HIVEP3: variants seen among roughly 807,000 people sequenced by gnomAD.
HIVEP3 encodes HIVEP zinc finger 3.
Under a neutral mutation model 152.8 loss-of-function variants are expected in HIVEP3, and 49 were observed. That is an observed-to-expected ratio of 0.32 (90% CI 0.26 to 0.41). The LOEUF (loss-of-function observed/expected upper bound fraction) is 0.41. Among genes scored for constraint, HIVEP3 ranks in the 10% least tolerant of loss-of-function variants. HIVEP3 has a pLI of 1.00. For synonymous variants in HIVEP3, 1,269 were observed against 1,289.0 expected, an observed-to-expected ratio of 0.98 and a Z score of 0.33; for missense variants, 2,790 against 3,103.3, an observed-to-expected ratio of 0.90 and a Z score of 2.40.
At position 41,508,153 on chromosome 1, in the gene HIVEP3, T is replaced by A. The variant is rs895782146; in HGVS notation, c.*2298A>T. ...GGAGTGGTGTGGGGCCCCCCACCAA[T>A]GTCAGGGGCTAGTCCACCAGAGCCC... On this transcript the variant is annotated 3_prime_UTR_variant, in exon 9 of 9. Coordinates refer to ENST00000372583, the MANE Select transcript of HIVEP3 (RefSeq NM_024503.5). The A allele has an allele frequency of 1.3e-5, 2 of 151,644 alleles. No homozygotes were observed. Among genetic ancestry groups the A allele is most frequent in the African/African-American group, 2.4e-5 (1 of 41,308 alleles). The allele number at this position is 151,644 out of a possible 1,614,324, so 9.4% of individuals were successfully genotyped here.
At position 41,593,795 on chromosome 1, in the gene HIVEP3, G is replaced by A. The variant is rs146412853; in HGVS notation, c.-521-8477C>T. Among the ~76,000 whole-genome samples the A allele has an allele frequency of 5.3e-3, 808 of 152,292 alleles. 9 individuals are homozygous for A. The highest frequency in any genetic ancestry group is 0.019 in the African/African-American group (769 of 41,560). On this transcript the variant is annotated intron_variant, in intron 3 of 8. Transcript: ENST00000372583. ...TGCAAAATTTACTATCTTATAGTTCGAGTGGTCAGACGTCTGAAATAGGTC... is the reference window on the plus strand; with the variant it reads ...TGCAAAATTTACTATCTTATAGTTCAAGTGGTCAGACGTCTGAAATAGGTC...
chr1:41,520,439 A>G (rs1642730823), intron 6 of HIVEP3, among the ~76,000 whole-genome samples: 1 of 152,250 alleles, frequency 6.6e-6, no homozygotes, highest in Non-Finnish European at 1.5e-5. Flanking sequence ...GAGGGTCCTC[A>G]GAGGTCCCTA....
rs776614261 is a variant in HIVEP3 at position 41,918,042 on chromosome 1, G to A, written c.-801+371C>T. On this transcript the variant is annotated intron_variant, in intron 1 of 8. Transcript: ENST00000372583. The surrounding 1 kb of genome is among the most constrained non-coding windows in gnomAD (Gnocchi z 4.3). Reference sequence around the variant, plus strand: ...TATGGAGCCGGCCGCCAGTGCGCGGGTGCAGAGCCCAGCAGAGCCTGCTGC... The same window carrying A: ...TATGGAGCCGGCCGCCAGTGCGCGGATGCAGAGCCCAGCAGAGCCTGCTGC... Among the ~76,000 whole-genome samples, 12 of 152,222 alleles carry A rather than the reference G, an allele frequency of 7.9e-5. No individual in the cohort carries two copies. The highest frequency in any genetic ancestry group is 1.3e-4 in the Admixed American group (2 of 15,290).
chr1:41,841,990 G>A (rs1287844034), intron 1 of HIVEP3, among the ~76,000 whole-genome samples: 1 of 152,038 alleles, frequency 6.6e-6, no homozygotes, highest in Admixed American at 6.5e-5. Context: ...CTACTCAGGA[G>A]GCTGAGGCAG....
At chr1:41,548,402 C>G (rs544169015) in intron 5 of HIVEP3, among the ~76,000 whole-genome samples, 1 of 152,360 alleles carries the variant, frequency 6.6e-6, no homozygotes, top group Non-Finnish European at 1.5e-5. Flanking sequence ...CCAGCTTCCT[C>G]CAGGTGCTCT....
intron 1 of HIVEP3, among the ~76,000 whole-genome samples, chr1:41,851,174 A>G (rs559556005): frequency 1.1e-4 from 17 of 152,058 alleles, no homozygotes; most frequent in Middle Eastern, 6.8e-3. Context: ...TCTGTCTACC[A>G]CTATAACCGC....
intron 1 of HIVEP3, among the ~76,000 whole-genome samples, chr1:41,890,462 C>A (rs1644428715): frequency 6.6e-6 from 1 of 152,102 alleles, no homozygotes; most frequent in African/African-American, 2.4e-5. Context: ...CTGTGACAGC[C>A]CTTATTTATG....
intron 1 of HIVEP3, among the ~76,000 whole-genome samples, chr1:41,776,247 G>T (rs1648697878): frequency 6.6e-6 from 1 of 152,212 alleles, no homozygotes; most frequent in Non-Finnish European, 1.5e-5. Context: ...TGATGACTGG[G>T]CCCAGAACTT....
At chr1:41,788,909 C>A (rs1386423747) in intron 1 of HIVEP3, among the ~76,000 whole-genome samples, 1 of 152,224 alleles carries the variant, frequency 6.6e-6, no homozygotes, top group Non-Finnish European at 1.5e-5. Flanking sequence ...AATCCTACAT[C>A]CTCTGCCACC....
chr1:41,890,155 T>C (rs1644424625), intron 1 of HIVEP3, among the ~76,000 whole-genome samples: 1 of 152,218 alleles, frequency 6.6e-6, no homozygotes, highest in South Asian at 2.1e-4. Context: ...ACCTCATGGG[T>C]TGCTGTGTGG....
chr1:41,639,352 T>C (rs144702340), intron 2 of HIVEP3, among the ~76,000 whole-genome samples: 2,609 of 152,116 alleles, frequency 0.017, 31 homozygotes, highest in Non-Finnish European at 0.022. Context: ...GCATAGCGAG[T>C]TGGCCTTAAC....
intron 1 of HIVEP3, among the ~76,000 whole-genome samples, chr1:41,856,843 C>T (rs778012590): frequency 3.9e-5 from 6 of 152,116 alleles, no homozygotes; most frequent in Non-Finnish European, 7.4e-5. Flanking sequence ...GGAACACTAT[C>T]GGCAGGAACA....
chr1:41,802,938 T>C (rs1296459313), intron 1 of HIVEP3, among the ~76,000 whole-genome samples: 1 of 152,220 alleles, frequency 6.6e-6, no homozygotes, highest in East Asian at 1.9e-4. Flanking sequence ...GTGAGTATGA[T>C]GACTTCAAAC....
chr1:41,990,987 G>T (rs1391985909), intron 1 of HIVEP3, among the ~76,000 whole-genome samples: 13 of 137,940 alleles, frequency 9.4e-5, no homozygotes, highest in African/African-American at 3.0e-4. Flanking sequence ...GAATCTCTGG[G>T]ATGCATTCAA....
At chr1:41,801,659 G>A (rs192074053) in intron 1 of HIVEP3, among the ~76,000 whole-genome samples, 1,887 of 152,088 alleles carry the variant, frequency 0.012, 34 homozygotes, top group Admixed American at 0.043. Flanking sequence ...GCAGGAGAAT[G>A]TGTGAACCCG....
chr1:41,679,207 T>C (rs1319332274), intron 2 of HIVEP3, among the ~76,000 whole-genome samples: 1 of 152,242 alleles, frequency 6.6e-6, no homozygotes, highest in Non-Finnish European at 1.5e-5. Flanking sequence ...CCTACTCTTT[T>C]TGACATGCGT....
At chr1:41,562,775 C>G (rs2181278) in intron 5 of HIVEP3, among the ~76,000 whole-genome samples, 32,410 of 152,038 alleles carry the variant, frequency 0.21, 3,604 homozygotes, top group Non-Finnish European at 0.27. Flanking sequence ...GAATCCCAAG[C>G]CTGCAGCAGG....
At chr1:41,743,819 G>A (rs1380836919) in intron 1 of HIVEP3, among the ~76,000 whole-genome samples, 1 of 152,120 alleles carries the variant, frequency 6.6e-6, no homozygotes, top group Admixed American at 6.5e-5. Flanking sequence ...CCGGCCATCA[G>A]GCACCTTTGC....
chr1:41,733,145 C>T (rs1344083562), intron 1 of HIVEP3, among the ~76,000 whole-genome samples: 2 of 133,776 alleles, frequency 1.5e-5, no homozygotes, highest in Admixed American at 6.9e-5. Context: ...TCTGTCATTG[C>T]CCCCAGGGAC....
Sources: allele counts gnomAD v4.1 joint callset (sites outside exome capture counted in the v4.1 genomes callset), GRCh38; gene constraint gnomAD v4.1.1; non-coding constraint Gnocchi (gnomAD v3.1); transcripts MANE v1.5; gene names NCBI Gene and HGNC (gene_info 2026-07-23, HGNC 2026-07-21).